The following ZNF407 variants were observed in gnomAD, a reference collection of about 807,000 sequenced individuals.
ZNF407 encodes the protein zinc finger protein 407.
In ZNF407, 17 loss-of-function variants were observed where a neutral mutation model predicts 131.2. That is an observed-to-expected ratio of 0.13 (90% CI 0.09 to 0.19). The LOEUF (loss-of-function observed/expected upper bound fraction) is 0.19, where lower values mean the gene tolerates loss of function less well. Ranked by LOEUF, ZNF407 falls within the 10% of genes least tolerant of loss-of-function variation. The pLI, the probability that ZNF407 is intolerant of heterozygous loss-of-function variation, is 1.00. For missense variants in ZNF407, 2,681 were observed against 2,830.6 expected, an observed-to-expected ratio of 0.95 and a Z score of 1.20; for synonymous variants, 1,156 against 1,062.0, an observed-to-expected ratio of 1.09 and a Z score of -1.72.
chr18:74,899,490 G>T (rs1254691210), intron 7 of ZNF407, among the ~76,000 whole-genome samples: 1 of 152,136 alleles, frequency 6.6e-6, no homozygotes, highest in Non-Finnish European at 1.5e-5. Flanking sequence ...GGAGGAGGAT[G>T]TCCTTTAGGA....
chr18:74,881,999 A>C (rs1318277456), intron 6 of ZNF407, among the ~76,000 whole-genome samples: 1 of 152,136 alleles, frequency 6.6e-6, no homozygotes, highest in Non-Finnish European at 1.5e-5. Flanking sequence ...AAACCATCAG[A>C]TCTCGTGAGA....
chr18:74,903,547 CT>C (rs11321291), intron 7 of ZNF407, among the ~76,000 whole-genome samples: 148,744 of 152,162 alleles, frequency 0.98, 72,802 homozygotes, highest in East Asian at 1. Flanking sequence ...CCTTAAAGAT[CT>C]TTTTTTTCCT....
rs765991505 is a variant in ZNF407, at chr18:74,633,329, C to T, written c.2310C>T (p.Ser770=). 1 of 1,613,372 alleles carries T rather than the reference C, an allele frequency of 6.2e-7. No individual in the cohort carries two copies. The highest frequency in any genetic ancestry group is 8.5e-7 in the Non-Finnish European group (1 of 1,179,754). The change falls in exon 2 of 9, where the codon AGC becomes AGT. Residue 770 remains serine (S), a synonymous_variant. Transcript: ENST00000299687. ...ENAKKNNIGL[S]FEECIERVCI... ...CTAAGAAAAATAATATTGGCTTAAG[C>T]TTTGAAGAATGTATTGAAAGGGTAT...
intron 3 of ZNF407, among the ~76,000 whole-genome samples, chr18:74,666,201 G>A (rs963338815): frequency 6.6e-5 from 10 of 152,140 alleles, no homozygotes; most frequent in African/African-American, 2.2e-4. Context: ...TTTCAGACTC[G>A]CCATTGGCTA....
chr18:75,001,233 A>G (rs183827861), intron 8 of ZNF407, among the ~76,000 whole-genome samples: 10 of 152,322 alleles, frequency 6.6e-5, no homozygotes, highest in Admixed American at 6.5e-5. Flanking sequence ...TAGGAGTTCA[A>G]CACAGGGAGG....
intron 4 of ZNF407, among the ~76,000 whole-genome samples, chr18:74,852,221 G>A (rs1328428210): frequency 6.6e-6 from 1 of 152,038 alleles, no homozygotes; most frequent in African/African-American, 2.4e-5. Context: ...GCGCACGCGC[G>A]CGCGCATTGC....
intron 8 of ZNF407, among the ~76,000 whole-genome samples, chr18:74,991,723 CT>C (rs1235088608): frequency 6.6e-6 from 1 of 152,138 alleles, no homozygotes; most frequent in Non-Finnish European, 1.5e-5. Context: ...CCCACTGATT[CT>C]TCACTTGTGG....
intron 6 of ZNF407, among the ~76,000 whole-genome samples, chr18:74,884,458 T>G (rs1027336625): frequency 6.6e-6 from 1 of 152,206 alleles, no homozygotes; most frequent in Non-Finnish European, 1.5e-5. Context: ...TAAATTGACA[T>G]GGACTTAAGC....
At chr18:74,710,592 G>A (rs1315918148) in intron 3 of ZNF407, among the ~76,000 whole-genome samples, 1 of 152,126 alleles carries the variant, frequency 6.6e-6, no homozygotes, top group East Asian at 1.9e-4. Flanking sequence ...TGTTACAGCT[G>A]TACACATCAT....
At chr18:74,895,490 A>G (rs1325476479) in intron 7 of ZNF407, among the ~76,000 whole-genome samples, 1 of 152,150 alleles carries the variant, frequency 6.6e-6, no homozygotes, top group Non-Finnish European at 1.5e-5. Context: ...TTTTAATTTA[A>G]TAGAATTTTG....
At chr18:74,651,754 G>T (rs545166956) in intron 3 of ZNF407, among the ~76,000 whole-genome samples, 1 of 152,130 alleles carries the variant, frequency 6.6e-6, no homozygotes, top group African/African-American at 2.4e-5. Flanking sequence ...ATATAAAGCC[G>T]AGGTGATCCT....
At chr18:75,051,010 T>C (rs543894316) in intron 8 of ZNF407, among the ~76,000 whole-genome samples, 1 of 152,166 alleles carries the variant, frequency 6.6e-6, no homozygotes, top group South Asian at 2.1e-4. Flanking sequence ...CGGCCTATTA[T>C]ATGCCAAGCA....
intron 8 of ZNF407, among the ~76,000 whole-genome samples, chr18:74,930,041 G>C (rs1169809913): frequency 6.6e-6 from 1 of 152,102 alleles, no homozygotes; most frequent in Non-Finnish European, 1.5e-5. Context: ...CATTTTCTAT[G>C]CTGTATTCTC....
intron 3 of ZNF407, among the ~76,000 whole-genome samples, chr18:74,700,423 C>T (rs936664587): frequency 6.6e-6 from 1 of 152,174 alleles, no homozygotes; most frequent in African/African-American, 2.4e-5. Flanking sequence ...ATGTGCTTTT[C>T]GCAAAGAGTA....
At chr18:74,769,975 T>TG (rs928231883) in intron 3 of ZNF407, among the ~76,000 whole-genome samples, 3 of 152,152 alleles carry the variant, frequency 2.0e-5, no homozygotes, top group African/African-American at 7.2e-5. Flanking sequence ...GGAGACAGCC[T>TG]GGGGCACATT....
intron 4 of ZNF407, among the ~76,000 whole-genome samples, chr18:74,842,284 T>A (rs1260048797): frequency 1.3e-5 from 2 of 152,322 alleles, no homozygotes; most frequent in Non-Finnish European, 2.9e-5. Context: ...AATTTCACTT[T>A]CTTTGTGTTG....
At chr18:74,942,781 C>G (rs1249109639) in intron 8 of ZNF407, among the ~76,000 whole-genome samples, 2 of 152,102 alleles carry the variant, frequency 1.3e-5, no homozygotes, top group African/African-American at 4.8e-5. Context: ...TACTCAGTAA[C>G]GTACTTGGCT....
intron 8 of ZNF407, among the ~76,000 whole-genome samples, chr18:74,987,606 G>A (rs1023960085): frequency 6.6e-6 from 1 of 152,054 alleles, no homozygotes; most frequent in South Asian, 2.1e-4. Context: ...ACTCTGAGGG[G>A]TTAGTGAAGC....
At chr18:74,774,361 A>C (rs1969424217) in intron 3 of ZNF407, among the ~76,000 whole-genome samples, 1 of 152,234 alleles carries the variant, frequency 6.6e-6, no homozygotes, top group African/African-American at 2.4e-5. Context: ...GAAGGTTGTT[A>C]GTGAACAGGA....
Sources: allele counts gnomAD v4.1 joint callset (sites outside exome capture counted in the v4.1 genomes callset), GRCh38; gene constraint gnomAD v4.1.1; transcripts MANE v1.5; gene names NCBI Gene and HGNC (gene_info 2026-07-23, HGNC 2026-07-21).